The following SCHIP1 variants were observed in gnomAD, a reference collection of about 807,000 sequenced individuals.
SCHIP1 encodes the protein schwannomin interacting protein 1, also known as schwannomin-interacting protein 1.
In SCHIP1, 8 loss-of-function variants were observed where a neutral mutation model predicts 29.7. The observed-to-expected ratio is 0.27, with a 90% CI of 0.16 to 0.49. SCHIP1 has a LOEUF of 0.49. Among genes scored for constraint, SCHIP1 ranks in the 20% least tolerant of loss-of-function variants. The pLI is 0.99. For missense variants in SCHIP1, 193 were observed against 294.6 expected, an observed-to-expected ratio of 0.66 and a Z score of 2.52; for synonymous variants, 76 against 94.9, an observed-to-expected ratio of 0.80 and a Z score of 1.16.
the SCHIP1 span, among the ~76,000 whole-genome samples, chr3:159,609,129 T>G: frequency 6.6e-6 from 1 of 152,170 alleles, no homozygotes. Flanking sequence ...TATATCAAAA[T>G]TTCAAGAGAA....
upstream of SCHIP1, among the ~76,000 whole-genome samples, chr3:159,836,521 T>C (rs1743672048): frequency 6.6e-6 from 1 of 152,218 alleles, no homozygotes; most frequent in Admixed American, 6.5e-5. Flanking sequence ...AACACACTTA[T>C]TTGGTATGAA....
chr3:159,718,347 C>T, the SCHIP1 span, among the ~76,000 whole-genome samples: 1 of 152,284 alleles, frequency 6.6e-6, no homozygotes, highest in East Asian at 1.9e-4. Flanking sequence ...TCTCTCACCA[C>T]TCCTATTCAA....
the SCHIP1 span, among the ~76,000 whole-genome samples, chr3:159,435,492 G>A: frequency 2.0e-5 from 3 of 152,036 alleles, no homozygotes; most frequent in Non-Finnish European, 2.9e-5. Context: ...CTCCCCATAG[G>A]TGCCAGCACA....
At chr3:159,510,629 C>T in the SCHIP1 span, among the ~76,000 whole-genome samples, 1 of 152,180 alleles carries the variant, frequency 6.6e-6, no homozygotes, top group African/African-American at 2.4e-5. Flanking sequence ...ATGATGGTGA[C>T]ATACAGATGG....
chr3:159,500,878 T>C, the SCHIP1 span, among the ~76,000 whole-genome samples: 1 of 152,292 alleles, frequency 6.6e-6, no homozygotes, highest in East Asian at 1.9e-4. Flanking sequence ...GTTATACTTA[T>C]ATATTGAATT....
the SCHIP1 span, among the ~76,000 whole-genome samples, chr3:159,333,203 G>T: frequency 1.3e-5 from 2 of 152,142 alleles, no homozygotes; most frequent in Admixed American, 1.3e-4. Flanking sequence ...AAGTTATTAA[G>T]TTGTTTATAA....
At chr3:159,615,073 C>T in the SCHIP1 span, among the ~76,000 whole-genome samples, 3 of 152,296 alleles carry the variant, frequency 2.0e-5, no homozygotes, top group African/African-American at 7.2e-5. Flanking sequence ...AGGTACAATG[C>T]TTTGGTTAAC....
chr3:159,306,363 A>T, the SCHIP1 span, among the ~76,000 whole-genome samples: 1 of 80,432 alleles, frequency 1.2e-5, no homozygotes, highest in African/African-American at 3.3e-5. Context: ...CAATCACAAG[A>T]CTTTCTGAGC....
the SCHIP1 span, among the ~76,000 whole-genome samples, chr3:159,555,072 A>G: frequency 1.3e-5 from 2 of 152,194 alleles, no homozygotes; most frequent in Middle Eastern, 3.2e-3. Context: ...TAATCTCTGC[A>G]TAATTGGTCT....
chr3:159,727,794 T>C, the SCHIP1 span, among the ~76,000 whole-genome samples: 1 of 152,174 alleles, frequency 6.6e-6, no homozygotes, highest in East Asian at 1.9e-4. Context: ...GCCTTCATGA[T>C]AGTCAACAAA....
At chr3:159,709,450 A>AG in the SCHIP1 span, among the ~76,000 whole-genome samples, 1 of 152,144 alleles carries the variant, frequency 6.6e-6, no homozygotes, top group African/African-American at 2.4e-5. Context: ...TAATAAAAAA[A>AG]GGAAAAAAAG....
the SCHIP1 span, among the ~76,000 whole-genome samples, chr3:159,613,437 GAATTT>G: frequency 9.2e-5 from 14 of 152,142 alleles, no homozygotes; most frequent in African/African-American, 2.9e-4. Context: ...ATAGGTTTAT[GAATTT>G]ATTTTGTCAA....
chr3:159,425,377 G>A, the SCHIP1 span, among the ~76,000 whole-genome samples: 1 of 149,946 alleles, frequency 6.7e-6, no homozygotes, highest in Non-Finnish European at 1.5e-5. Context: ...ACAAAAAAAG[G>A]CAGGGGTTGC....
chr3:159,459,399 A>G, the SCHIP1 span, among the ~76,000 whole-genome samples: 1 of 152,194 alleles, frequency 6.6e-6, no homozygotes, highest in African/African-American at 2.4e-5. Flanking sequence ...ACTGCTAATC[A>G]GCCTTTATTC....
chr3:159,655,397 G>T, the SCHIP1 span, among the ~76,000 whole-genome samples: 12,369 of 151,994 alleles, frequency 0.081, 747 homozygotes, highest in Admixed American at 0.18. Flanking sequence ...TGATGATGAT[G>T]ATGGTGATGA....
chr3:159,389,431 T>A, the SCHIP1 span, among the ~76,000 whole-genome samples: 1 of 152,046 alleles, frequency 6.6e-6, no homozygotes, highest in African/African-American at 2.4e-5. Context: ...TACCCTCATC[T>A]ACATAGGGGG....
intron 2 of SCHIP1, among the ~76,000 whole-genome samples, chr3:159,872,498 C>G (rs950509233): frequency 3.3e-5 from 5 of 152,166 alleles, no homozygotes; most frequent in Non-Finnish European, 1.5e-5. Context: ...ACTGAGTCAT[C>G]TGCCCCCTGT....
At chr3:159,800,940 A>C in the SCHIP1 span, among the ~76,000 whole-genome samples, 9 of 146,454 alleles carry the variant, frequency 6.1e-5, no homozygotes, top group Non-Finnish European at 1.1e-4. Context: ...GAAAATTTCT[A>C]TATTTAAATG....
chr3:159,502,841 G>A, the SCHIP1 span, among the ~76,000 whole-genome samples: 6 of 152,194 alleles, frequency 3.9e-5, no homozygotes, highest in Admixed American at 2.0e-4. Flanking sequence ...AAGTGCAGGC[G>A]TATTTGAACA....
Sources: gnomAD v4.1 joint callset for allele counts (sites outside exome capture counted in the v4.1 genomes callset) on GRCh38, gnomAD v4.1.1 for gene constraint, MANE v1.5 for transcripts, NCBI Gene and HGNC (gene_info 2026-07-23, HGNC 2026-07-21) for gene names.